Variants in NRG1 observed in about 807,000 individuals in gnomAD.
The protein encoded by NRG1 is neuregulin 1.
A neutral mutation model predicts 63.8 loss-of-function variants in NRG1; 18 were observed. That is an observed-to-expected ratio of 0.28 (90% CI 0.19 to 0.42). NRG1 has a LOEUF of 0.42. Among genes scored for constraint, NRG1 ranks in the 10% least tolerant of loss-of-function variants. The probability of loss-of-function intolerance (pLI) is 1.00; values close to 1 mark genes in which losing one functional copy is unlikely to be tolerated. For synonymous variants in NRG1, 302 were observed against 301.3 expected, an observed-to-expected ratio of 1.00 and a Z score of -0.02; for missense variants, 762 against 814.7, an observed-to-expected ratio of 0.94 and a Z score of 0.79.
rs75996668 is a variant in NRG1, at chr8:32,005,646, C to G, written c.37+366215C>G. ...TATTTCAGAGGCAATTGGTGTTATG[C>G]TTTAGACACTTGACTGACAGTAAAA... On this transcript the variant is annotated intron_variant, in intron 1 of 10. Coordinates refer to the NRG1 transcript ENST00000519301. 4.0e-3 allele frequency among the ~76,000 whole-genome samples: 611 copies of G among 152,034 alleles called. 4 individuals carry two copies. Among genetic ancestry groups the G allele is most frequent in the African/African-American group, 0.014 (590 of 41,536 alleles).
At chr8:32,724,183 A>G (rs905710444) in intron 5 of NRG1, among the ~76,000 whole-genome samples, 2 of 152,224 alleles carry the variant, frequency 1.3e-5, no homozygotes, top group African/African-American at 4.8e-5. Flanking sequence ...ACATCAAAGT[A>G]ATGTCAGATT....
At chr8:32,120,200 A>T (rs535946774) in intron 1 of NRG1, among the ~76,000 whole-genome samples, 1 of 152,114 alleles carries the variant, frequency 6.6e-6, no homozygotes, top group Non-Finnish European at 1.5e-5. Context: ...TATTATGAAA[A>T]CATTTCAAAA....
chr8:32,567,182 A>T (rs1418175784), intron 1 of NRG1, among the ~76,000 whole-genome samples: 2 of 152,222 alleles, frequency 1.3e-5, no homozygotes, highest in Non-Finnish European at 2.9e-5. Flanking sequence ...GTTAGCCTTC[A>T]GAATCTAAGG....
At chr8:32,535,175 T>C (rs1422102290) in intron 1 of NRG1, among the ~76,000 whole-genome samples, 1 of 152,198 alleles carries the variant, frequency 6.6e-6, no homozygotes, top group Non-Finnish European at 1.5e-5. Flanking sequence ...TTTGGGTTAT[T>C]TGTACAGATC....
At chr8:31,821,691 G>C (rs1262931219) in intron 1 of NRG1, among the ~76,000 whole-genome samples, 1 of 151,916 alleles carries the variant, frequency 6.6e-6, no homozygotes, top group Admixed American at 6.6e-5. Context: ...CTTTTTCAGG[G>C]AGTAGCATGA....
At chr8:32,463,898 T>G (rs1822682830) in intron 1 of NRG1, among the ~76,000 whole-genome samples, 1 of 77,800 alleles carries the variant, frequency 1.3e-5, no homozygotes, top group African/African-American at 5.3e-5. Flanking sequence ...TTTTTTTTTT[T>G]TTTTTTTTTT....
intron 5 of NRG1, among the ~76,000 whole-genome samples, chr8:32,726,348 C>T (rs965160716): frequency 6.6e-6 from 1 of 151,860 alleles, no homozygotes; most frequent in Non-Finnish European, 1.5e-5. Context: ...ATTCCTTTAT[C>T]TAGATTATTT....
At chr8:31,789,603 C>T (rs578060616) in intron 1 of NRG1, among the ~76,000 whole-genome samples, 6 of 152,236 alleles carry the variant, frequency 3.9e-5, no homozygotes, top group East Asian at 3.9e-4. Flanking sequence ...AGTTGAGCCC[C>T]GAGTAAGTGA....
chr8:31,992,190 G>A (rs1176179321), intron 1 of NRG1, among the ~76,000 whole-genome samples: 3 of 151,702 alleles, frequency 2.0e-5, no homozygotes, highest in African/African-American at 7.3e-5. Context: ...TAAAAAATTA[G>A]CCAGCTGTCT....
chr8:31,940,039 G>T (rs930243704), intron 1 of NRG1, among the ~76,000 whole-genome samples: 2 of 151,784 alleles, frequency 1.3e-5, no homozygotes, highest in Admixed American at 6.6e-5. Context: ...ACTCTAGCCT[G>T]CAACAAATGA....
intron 1 of NRG1, among the ~76,000 whole-genome samples, chr8:32,530,389 G>A (rs1272595431): frequency 6.6e-6 from 1 of 152,148 alleles, no homozygotes; most frequent in Non-Finnish European, 1.5e-5. Context: ...TTACAGGCGT[G>A]AGCCACCGCG....
chr8:31,762,563 TAATGGGATTGCTGAGTCA>T (rs1359844701), intron 1 of NRG1, among the ~76,000 whole-genome samples: 1 of 152,232 alleles, frequency 6.6e-6, no homozygotes, highest in Non-Finnish European at 1.5e-5. Context: ...ATATACCCAG[TAATGGGATTGCTGAGTCA>T]AATGGTATTT....
intron 1 of NRG1, among the ~76,000 whole-genome samples, chr8:32,352,153 G>A (rs769088640): frequency 6.9e-5 from 10 of 144,950 alleles, no homozygotes; most frequent in Non-Finnish European, 7.5e-5. Flanking sequence ...AGCAATTTGC[G>A]GGATTACGAC....
intron 1 of NRG1, among the ~76,000 whole-genome samples, chr8:32,325,565 G>T (rs1801896580): frequency 6.6e-6 from 1 of 152,052 alleles, no homozygotes; most frequent in Admixed American, 6.5e-5. Context: ...ATTTTGTAGA[G>T]ATAGGGTTTC....
At chr8:31,683,881 T>A (rs2131078937) in intron 1 of NRG1, among the ~76,000 whole-genome samples, 1 of 152,276 alleles carries the variant, frequency 6.6e-6, no homozygotes, top group Non-Finnish European at 1.5e-5. Context: ...TTTAAAAATT[T>A]AAAAAACTCT....
chr8:32,320,974 G>A (rs978551214), intron 1 of NRG1, among the ~76,000 whole-genome samples: 32 of 152,134 alleles, frequency 2.1e-4, no homozygotes, highest in African/African-American at 7.2e-4. Flanking sequence ...TGACAATCTT[G>A]TTTATTTATA....
At chr8:32,554,024 G>A (rs1003517839) in intron 1 of NRG1, among the ~76,000 whole-genome samples, 1 of 152,132 alleles carries the variant, frequency 6.6e-6, no homozygotes, top group Non-Finnish European at 1.5e-5. Flanking sequence ...TGTTAGGATA[G>A]ATGAAAACAA....
intron 1 of NRG1, among the ~76,000 whole-genome samples, chr8:32,038,680 C>T (rs6987816): frequency 0.12 from 18,630 of 151,912 alleles, 3,829 homozygotes; most frequent in African/African-American, 0.42. Context: ...TGATTCAATA[C>T]GGACTTTGAA....
At chr8:32,498,647 A>G (rs1827503447) in intron 1 of NRG1, among the ~76,000 whole-genome samples, 1 of 152,218 alleles carries the variant, frequency 6.6e-6, no homozygotes, top group Non-Finnish European at 1.5e-5. Flanking sequence ...TATGGGGACT[A>G]CAATTCAAGA....
Sources: allele counts gnomAD v4.1 joint callset (sites outside exome capture counted in the v4.1 genomes callset), GRCh38; gene constraint gnomAD v4.1.1; transcripts MANE v1.5; gene names NCBI Gene and HGNC (gene_info 2026-07-23, HGNC 2026-07-21).